The following NDST4 variants were observed in gnomAD, a reference collection of about 807,000 sequenced individuals.
NDST4 encodes the protein N-deacetylase and N-sulfotransferase 4, also known as N-heparan sulfate sulfotransferase 4.
A neutral mutation model predicts 100.8 loss-of-function variants in NDST4; 63 were observed. That is an observed-to-expected ratio of 0.62 (90% CI 0.51 to 0.77). The LOEUF (loss-of-function observed/expected upper bound fraction) is 0.77, where lower values mean the gene tolerates loss of function less well. Ranked by LOEUF, NDST4 falls within the 30% of genes least tolerant of loss-of-function variation. The pLI, the probability that NDST4 is intolerant of heterozygous loss-of-function variation, is 0.00. For missense variants in NDST4, 943 were observed against 1,018.4 expected, an observed-to-expected ratio of 0.93 and a Z score of 1.01; for synonymous variants, 377 against 361.8, an observed-to-expected ratio of 1.04 and a Z score of -0.48.
intron 2 of NDST4, among the ~76,000 whole-genome samples, chr4:115,061,792 TA>T (rs1578491820): frequency 6.6e-6 from 1 of 152,034 alleles, no homozygotes; most frequent in Non-Finnish European, 1.5e-5. Flanking sequence ...AGTATAATTT[TA>T]AAAAAAGTAG....
intron 6 of NDST4, among the ~76,000 whole-genome samples, 189 bp from the exon 7 acceptor site, chr4:114,871,139 T>C (rs1361580129): frequency 2.0e-5 from 3 of 152,126 alleles, no homozygotes; most frequent in African/African-American, 7.2e-5. Flanking sequence ...AAAATTGAAA[T>C]TGAAATTGAG....
intron 2 of NDST4, among the ~76,000 whole-genome samples, chr4:115,065,497 C>T (rs1728927907): frequency 6.6e-6 from 1 of 152,084 alleles, no homozygotes; most frequent in Non-Finnish European, 1.5e-5. Context: ...TCATTTTATT[C>T]ATTCAAAGTG....
chr4:114,875,010 T>C (rs1724228554), intron 6 of NDST4, among the ~76,000 whole-genome samples: 1 of 152,168 alleles, frequency 6.6e-6, no homozygotes, highest in African/African-American at 2.4e-5. Flanking sequence ...ATATTGCAGC[T>C]CAGAGATATG....
chr4:115,009,778 C>A, intron 2 of NDST4, among the ~76,000 whole-genome samples: 1 of 83,846 alleles, frequency 1.2e-5, no homozygotes, highest in Non-Finnish European at 2.3e-5. Flanking sequence ...ATTTTCACAA[C>A]CTACTCATCT....
chr4:114,950,559 G>A (rs1294019934), intron 4 of NDST4, among the ~76,000 whole-genome samples: 6 of 151,996 alleles, frequency 3.9e-5, no homozygotes, highest in Middle Eastern at 3.2e-3. Flanking sequence ...AAAACTTACT[G>A]TTAACATACC....
At chr4:115,082,868 G>A (rs1320700149) in intron 1 of NDST4, among the ~76,000 whole-genome samples, 1 of 152,070 alleles carries the variant, frequency 6.6e-6, no homozygotes, top group African/African-American at 2.4e-5. Context: ...AAATCAGCAA[G>A]TTTTATTTTA....
intron 1 of NDST4, among the ~76,000 whole-genome samples, chr4:115,077,889 A>G (rs1729221348): frequency 6.6e-6 from 1 of 152,210 alleles, no homozygotes; most frequent in Non-Finnish European, 1.5e-5. Context: ...AGGAACAGGC[A>G]TTCTCAGATC....
chr4:115,092,207 AG>A (rs537332445), intron 1 of NDST4, among the ~76,000 whole-genome samples: 80 of 152,250 alleles, frequency 5.3e-4, no homozygotes, highest in African/African-American at 1.8e-3. Context: ...CTATGGATGT[AG>A]GTGAAGACCC....
intron 7 of NDST4, among the ~76,000 whole-genome samples, 190 bp downstream of exon 7, chr4:114,870,577 CA>C (rs1360385820): frequency 2.0e-5 from 3 of 151,982 alleles, no homozygotes; most frequent in African/African-American, 4.8e-5. Flanking sequence ...CCCAGAAAAG[CA>C]AGCAAAAAAT....
chr4:114,977,051 G>T, intron 3 of NDST4, 136 bp downstream of exon 3: 3 of 611,374 alleles, frequency 4.9e-6, no homozygotes, highest in East Asian at 2.7e-5. Flanking sequence ...ATTGATTTTG[G>T]ATTTGGCTAC....
chr4:114,915,451 A>C (rs1052828919), intron 6 of NDST4, among the ~76,000 whole-genome samples: 2 of 152,216 alleles, frequency 1.3e-5, no homozygotes, highest in African/African-American at 4.8e-5. Context: ...CCTTTTTAAT[A>C]ATAATCTTGT....
chr4:114,991,516 A>G (rs973761462), intron 2 of NDST4, among the ~76,000 whole-genome samples: 1 of 152,118 alleles, frequency 6.6e-6, no homozygotes, highest in Non-Finnish European at 1.5e-5. Context: ...TGGACACAGC[A>G]TGTGATATAG....
chr4:114,948,549 A>T (rs1425867498), intron 4 of NDST4, among the ~76,000 whole-genome samples: 1 of 152,082 alleles, frequency 6.6e-6, no homozygotes, highest in Admixed American at 6.6e-5. Context: ...CACATTTCAA[A>T]CTAAAATCAT....
intron 1 of NDST4, among the ~76,000 whole-genome samples, 163 bp from the exon 2 acceptor site, chr4:115,077,445 C>T (rs1277223190): frequency 1.3e-5 from 2 of 152,110 alleles, no homozygotes; most frequent in East Asian, 3.9e-4. Context: ...ACTTAACTAC[C>T]TAGAGTATAG....
intron 2 of NDST4, among the ~76,000 whole-genome samples, chr4:114,979,134 C>T (rs1201495538): frequency 2.0e-5 from 3 of 151,872 alleles, no homozygotes; most frequent in Non-Finnish European, 2.9e-5. Context: ...CTATTTCTCT[C>T]TTTATTCTCT....
chr4:114,959,764 A>G (rs1392673291), intron 4 of NDST4, among the ~76,000 whole-genome samples: 2 of 152,200 alleles, frequency 1.3e-5, no homozygotes, highest in Admixed American at 1.3e-4. Context: ...AGTAGGAAAA[A>G]TGAATGACCA....
chr4:114,979,538 A>T (rs1578427491), intron 2 of NDST4, among the ~76,000 whole-genome samples: 1 of 151,854 alleles, frequency 6.6e-6, no homozygotes, highest in East Asian at 2.0e-4. Context: ...TGTCAGTAAC[A>T]TTTTTCCAAT....
At position 115,076,178 on chromosome 4, in the gene NDST4, C is replaced by A. The variant is rs1406104906; in HGVS notation, c.859G>T (p.Ala287Ser). 1.9e-6 allele frequency: 3 copies of A among 1,613,836 alleles called. No homozygotes were observed. The highest frequency in any genetic ancestry group is 2.5e-6 in the Non-Finnish European group (3 of 1,179,946). The change falls in exon 2 of 14, where the codon GCC (alanine) becomes TCC (serine). Residue 287 changes from alanine to serine, a missense_variant. Physicochemically the swap from Ala to Ser is moderately conservative, Grantham distance 99 (BLOSUM62 1). This residue lies in a region of NDST4 where 417 missense variants were observed against 384.2 expected (regional missense o/e 1.09). Transcript: ENST00000264363. The stretch of plus-strand genomic sequence containing the variant: ...CTCTTCCCTGACAAGAAGGAGATGG[C>A]ATCTATGAAGATGAGCTTGTGCAGC... ...FWLHKLIFIDAISFLSGKRLT... is the reference protein window; with the variant it reads ...FWLHKLIFIDSISFLSGKRLT...
rs192990612 is a variant in NDST4, at chr4:115,036,211, A to G, written c.978+39848T>C. ...TTGGAAAATGTTTTCTAATTTGACTACTATATAATGTTTCTTAATACAGTA... is the reference window on the plus strand; with the variant it reads ...TTGGAAAATGTTTTCTAATTTGACTGCTATATAATGTTTCTTAATACAGTA... On this transcript the variant is annotated intron_variant, in intron 2 of 13. Transcript: ENST00000264363. Among the ~76,000 whole-genome samples, 4 of 151,768 alleles carry G rather than the reference A, an allele frequency of 2.6e-5. No individual in the cohort carries two copies. The East Asian group carries it at 7.8e-4, about 29-fold the overall frequency.
Sources: allele counts gnomAD v4.1 joint callset (sites outside exome capture counted in the v4.1 genomes callset), GRCh38; gene constraint gnomAD v4.1.1; regional missense constraint gnomAD v4.1.1; transcripts MANE v1.5; gene names NCBI Gene and HGNC (gene_info 2026-07-23, HGNC 2026-07-21).